The following RALGAPA1 variants were observed in gnomAD, a reference collection of about 807,000 sequenced individuals.
RALGAPA1 encodes the protein ral GTPase-activating protein subunit alpha-1.
Under a neutral mutation model 269.6 loss-of-function variants are expected in RALGAPA1, and 52 were observed. The ratio of observed to expected loss-of-function variants is 0.19; its 90% CI spans 0.15 to 0.24. The LOEUF is 0.24. Ranked by LOEUF, RALGAPA1 falls within the 10% of genes least tolerant of loss-of-function variation. The pLI, the probability that RALGAPA1 is intolerant of heterozygous loss-of-function variation, is 1.00. For missense variants in RALGAPA1, 1,917 were observed against 3,013.9 expected, an observed-to-expected ratio of 0.64 and a Z score of 8.52; for synonymous variants, 817 against 1,008.3, an observed-to-expected ratio of 0.81 and a Z score of 3.60.
At chr14:35,565,615 C>G (rs1208085152) in intron 39 of RALGAPA1, among the ~76,000 whole-genome samples, 1 of 152,118 alleles carries the variant, frequency 6.6e-6, no homozygotes, top group African/African-American at 2.4e-5. Context: ...GCGCCCACAA[C>G]TACATGAACA....
chr14:35,583,479 T>C (rs1315322126), intron 37 of RALGAPA1, among the ~76,000 whole-genome samples: 1 of 152,070 alleles, frequency 6.6e-6, no homozygotes, highest in Admixed American at 6.5e-5. Context: ...CCATGAAAGA[T>C]GTAAATACAT....
intron 39 of RALGAPA1, among the ~76,000 whole-genome samples, chr14:35,552,656 T>TA: frequency 6.8e-6 from 1 of 148,050 alleles, no homozygotes; most frequent in Non-Finnish European, 1.5e-5. Flanking sequence ...AATTAGCTAA[T>TA]AAAAACCATT....
chr14:35,669,136 T>G (rs1168165309), intron 26 of RALGAPA1, among the ~76,000 whole-genome samples: 2 of 152,250 alleles, frequency 1.3e-5, no homozygotes, highest in African/African-American at 4.8e-5. Flanking sequence ...ATAAGATCTC[T>G]CCATTCTCTG....
chr14:35,716,295 G>A (rs997980689), intron 16 of RALGAPA1, among the ~76,000 whole-genome samples: 1 of 151,558 alleles, frequency 6.6e-6, no homozygotes, highest in Non-Finnish European at 1.5e-5. Flanking sequence ...CTACTTGGGA[G>A]GCTGAGGCAG....
rs2053788539 is a variant in RALGAPA1 at position 35,539,690 on chromosome 14, C to G, written c.*24G>C. ...ACTGGGTAGAATCTCTGGGTAGGAG[C>G]CTGTAGGAAACAGCAAGAGCATTAC... On this transcript the variant is annotated splice_region_variant and 3_prime_UTR_variant, in exon 42 of 42. Coordinates refer to ENST00000680220, the MANE Select transcript of RALGAPA1 (RefSeq NM_001346249.2). 1 of 1,613,622 alleles carries G rather than the reference C, an allele frequency of 6.2e-7. No homozygotes were observed. The highest frequency in any genetic ancestry group is 1.3e-5 in the African/African-American group (1 of 75,000).
rs1349261549 is a variant in RALGAPA1, at chr14:35,538,376, T to C, written c.*1338A>G. 6.6e-6 allele frequency: 1 copy of C among 152,428 alleles called. No individual in the cohort carries two copies. The highest frequency in any genetic ancestry group is 1.9e-4 in the East Asian group (1 of 5,202). The allele number at this position is 152,428 out of a possible 1,614,324, so 9.4% of individuals were successfully genotyped here. On this transcript the variant is annotated 3_prime_UTR_variant, in exon 42 of 42. Coordinates refer to ENST00000680220, the MANE Select transcript of RALGAPA1 (RefSeq NM_001346249.2). The stretch of plus-strand genomic sequence containing the variant: ...ATGGATAGGAAGTGATAAGAATATT[T>C]TTATTGTATTATTAAATACCATGTC...
intron 1 of RALGAPA1, among the ~76,000 whole-genome samples, chr14:35,781,738 G>A (rs2075447164): frequency 6.6e-6 from 1 of 152,032 alleles, no homozygotes; most frequent in Admixed American, 6.6e-5. Flanking sequence ...TCACATGATA[G>A]TTTCAATAGA....
At chr14:35,730,921 G>A (rs1425556151) in intron 12 of RALGAPA1, among the ~76,000 whole-genome samples, 2 of 152,296 alleles carry the variant, frequency 1.3e-5, no homozygotes, top group Middle Eastern at 3.4e-3. Context: ...CCGGCAAGAG[G>A]CCAACCACCA....
Position 35,688,510 on chromosome 14 carries a change from G to A in RALGAPA1, c.3901C>T (p.Leu1301=). ...ATTACATGACTGTACAGATCCCTCA[G>A]TGGAGCCTCTGGTGGCATTCTGTTC... ...RQNRMPPEAP[L]RDLYSHVMGY... The change falls in exon 18 of 42, where the codon CTG becomes TTG. Residue 1301 remains leucine, a synonymous_variant. Transcript: ENST00000680220. 1.3e-6 allele frequency: 2 copies of A among 1,536,098 alleles called. No homozygotes were observed. The highest frequency in any genetic ancestry group is 1.7e-6 in the Non-Finnish European group (2 of 1,146,876).
At chr14:35,731,059 ACT>A (rs1371824320) in intron 12 of RALGAPA1, among the ~76,000 whole-genome samples, 4 of 152,174 alleles carry the variant, frequency 2.6e-5, no homozygotes, top group Non-Finnish European at 4.4e-5. Flanking sequence ...ACATCACATG[ACT>A]CTGTGCAGAC....
At chr14:35,552,423 T>C (rs747092349) in intron 39 of RALGAPA1, among the ~76,000 whole-genome samples, 1 of 152,146 alleles carries the variant, frequency 6.6e-6, no homozygotes, top group Non-Finnish European at 1.5e-5. Context: ...TACATATACA[T>C]TGAGTGGCAC....
chr14:35,565,371 C>T (rs1594606629), intron 39 of RALGAPA1, among the ~76,000 whole-genome samples: 4 of 150,836 alleles, frequency 2.7e-5, no homozygotes, highest in African/African-American at 7.3e-5. Context: ...AATTACTGTA[C>T]AATACTGTTA....
At chr14:35,726,178 A>C (rs897590743) in intron 13 of RALGAPA1, among the ~76,000 whole-genome samples, 1 of 152,194 alleles carries the variant, frequency 6.6e-6, no homozygotes, top group Non-Finnish European at 1.5e-5. Context: ...TCCTAGATCT[A>C]GATGTCATGG....
At chr14:35,540,781 C>T (rs1434778440) in intron 41 of RALGAPA1, among the ~76,000 whole-genome samples, 1 of 152,230 alleles carries the variant, frequency 6.6e-6, no homozygotes, top group East Asian at 1.9e-4. Context: ...AAACACCACA[C>T]AGGTTGCAGG....
chr14:35,803,617 T>C (rs1419006425), intron 1 of RALGAPA1, among the ~76,000 whole-genome samples: 6 of 151,752 alleles, frequency 4.0e-5, no homozygotes, highest in African/African-American at 9.7e-5. Flanking sequence ...AGTATCTGTA[T>C]CTAGAATATA....
At chr14:35,561,518 T>G (rs1025502416) in intron 39 of RALGAPA1, among the ~76,000 whole-genome samples, 1 of 141,502 alleles carries the variant, frequency 7.1e-6, no homozygotes, top group African/African-American at 2.6e-5. Context: ...TTTTTTTTTT[T>G]TTTTTTTTTT....
rs2141229615 is a variant in RALGAPA1 at position 35,748,727 on chromosome 14, G to T, written c.1109C>A (p.Thr370Lys). The T allele has an allele frequency of 6.2e-7, 1 of 1,612,392 alleles. No homozygotes were observed. Among genetic ancestry groups the T allele is most frequent in the Non-Finnish European group, 8.5e-7 (1 of 1,179,660 alleles). Reference protein sequence around the residue: ...TTEPEQSHSNTSTLTEREPSS... With the variant: ...TTEPEQSHSNKSTLTEREPSS... The stretch of plus-strand genomic sequence containing the variant: ...AGGTTCTCGCTCCGTGAGAGTGCTT[G>T]TATTGGAATGAGACTGTTCGGGTTC... Residue 370 changes from threonine (T) to lysine (K), a missense_variant, in exon 10 of 42, where the codon ACA (threonine) becomes AAA (lysine). This residue lies in a region of RALGAPA1 where 462 missense variants were observed against 725.6 expected (regional missense o/e 0.64). Transcript: ENST00000680220.
chr14:35,595,582 T>C, intron 37 of RALGAPA1, 52 bp downstream of exon 37: 1 of 1,483,954 alleles, frequency 6.7e-7, no homozygotes, highest in Non-Finnish European at 9.4e-7. Flanking sequence ...TTTTCTGTAT[T>C]AACTGTCTCA....
chr14:35,738,441 T>C, intron 12 of RALGAPA1, 72 bp downstream of exon 12: 6 of 1,146,944 alleles, frequency 5.2e-6, no homozygotes, highest in Non-Finnish European at 7.1e-6. Context: ...AAAAGTATAC[T>C]GTATACTGAA....
Sources: gnomAD v4.1 joint callset for allele counts (sites outside exome capture counted in the v4.1 genomes callset) on GRCh38, gnomAD v4.1.1 for gene constraint, gnomAD v4.1.1 regional missense constraint, MANE v1.5 for transcripts, NCBI Gene and HGNC (gene_info 2026-07-23, HGNC 2026-07-21) for gene names.